SGCZ: variants seen among roughly 807,000 people sequenced by gnomAD.
The protein encoded by SGCZ is zeta-sarcoglycan.
SGCZ carries 40 observed loss-of-function variants against 41.3 expected under a neutral mutation model. The ratio of observed to expected loss-of-function variants is 0.97; its 90% CI spans 0.75 to 1.26. The LOEUF (loss-of-function observed/expected upper bound fraction) is 1.26. Among genes scored for constraint, SGCZ ranks in the 50% most tolerant of loss-of-function variants. SGCZ has a pLI of 0.00. For synonymous variants in SGCZ, 206 were observed against 137.5 expected (o/e 1.50, Z -3.49); for missense variants, 552 against 369.8 (o/e 1.49, Z -4.04).
rs370057590 is a variant in SGCZ at position 14,104,835 on chromosome 8, A to T, written c.621-2336T>A. On this transcript the variant is annotated intron_variant, in intron 6 of 7. Coordinates refer to ENST00000382080, the MANE Select transcript of SGCZ (RefSeq NM_139167.4). ...TTCTGTGTTAAGCTGTATTTTTGCA[A>T]CAATGAGAATTATGAAAAGATGCCA... Among the ~76,000 whole-genome samples the T allele has an allele frequency of 4.6e-5, 7 of 152,284 alleles. No homozygotes were observed. The South Asian group carries it at 1.2e-3, about 27-fold the overall frequency.
Position 14,208,647 on chromosome 8 carries a change from T to C in SGCZ, c.424+28945A>G, listed in dbSNP as rs143064651. Among the ~76,000 whole-genome samples the C allele has an allele frequency of 4.9e-3, 744 of 152,262 alleles. 2 individuals carry two copies. The highest frequency in any genetic ancestry group is 0.017 in the Middle Eastern group (5 of 294). On this transcript the variant is annotated intron_variant, in intron 4 of 7. Transcript: ENST00000382080. The stretch of plus-strand genomic sequence containing the variant: ...TTTTTTTTGGTGTGAAGATGGTTAT[T>C]ACCATTATGAAAACAACTAGAAACA...
intron 1 of SGCZ, among the ~76,000 whole-genome samples, chr8:15,100,413 T>C (rs1224385969): frequency 6.6e-6 from 1 of 151,918 alleles, no homozygotes; most frequent in East Asian, 2.0e-4. Flanking sequence ...ATGAAACAGA[T>C]ATGAGGAAAA....
chr8:15,059,051 G>GT (rs1029027862), intron 1 of SGCZ, among the ~76,000 whole-genome samples: 6 of 151,886 alleles, frequency 4.0e-5, no homozygotes, highest in African/African-American at 1.5e-4. Context: ...CAAAATATTA[G>GT]TTTCTTGCTA....
chr8:14,613,584 T>C (rs1266477801), intron 1 of SGCZ, among the ~76,000 whole-genome samples: 1 of 152,134 alleles, frequency 6.6e-6, no homozygotes, highest in Non-Finnish European at 1.5e-5. Context: ...TGCTCAATCA[T>C]TAAAAACAAA....
chr8:14,163,049 T>C (rs1020464054), intron 5 of SGCZ, among the ~76,000 whole-genome samples: 6 of 152,128 alleles, frequency 3.9e-5, no homozygotes, highest in Admixed American at 3.9e-4. Context: ...TTTCAAAAAT[T>C]TTGGTAGACA....
chr8:14,452,037 A>G (rs1425432213), intron 2 of SGCZ, among the ~76,000 whole-genome samples: 1 of 152,254 alleles, frequency 6.6e-6, no homozygotes, highest in Non-Finnish European at 1.5e-5. Flanking sequence ...ATGGATACTT[A>G]TAACAGCTTT....
At chr8:14,143,540 A>T (rs1030722726) in intron 5 of SGCZ, among the ~76,000 whole-genome samples, 5 of 152,170 alleles carry the variant, frequency 3.3e-5, no homozygotes, top group African/African-American at 1.2e-4. Context: ...AAGCCTGTAG[A>T]AACAAAATTC....
chr8:15,112,333 A>G (rs1314988303), intron 1 of SGCZ, among the ~76,000 whole-genome samples: 2 of 152,238 alleles, frequency 1.3e-5, no homozygotes, highest in South Asian at 2.1e-4. Context: ...TGTGCAAACA[A>G]TAGTATTGAG....
chr8:14,665,385 G>T (rs1317803202), intron 1 of SGCZ, among the ~76,000 whole-genome samples: 1 of 152,110 alleles, frequency 6.6e-6, no homozygotes, highest in Admixed American at 6.6e-5. Flanking sequence ...GTGTATACGT[G>T]CCACATCGTC....
chr8:15,176,562 A>T (rs934710542), intron 1 of SGCZ, among the ~76,000 whole-genome samples: 1 of 152,252 alleles, frequency 6.6e-6, no homozygotes, highest in Non-Finnish European at 1.5e-5. Flanking sequence ...TGAAAGTAAT[A>T]TTTCATAGAA....
chr8:14,995,175 A>C (rs13278000), intron 1 of SGCZ, among the ~76,000 whole-genome samples: 11 of 152,094 alleles, frequency 7.2e-5, no homozygotes, highest in Admixed American at 3.3e-4. Context: ...GAGACACTGA[A>C]GTATATTTAT....
chr8:14,261,736 C>T (rs1005774098), intron 3 of SGCZ, among the ~76,000 whole-genome samples: 1 of 152,096 alleles, frequency 6.6e-6, no homozygotes, highest in East Asian at 1.9e-4. Context: ...TGAAGATTCA[C>T]TTTAGGATGG....
At chr8:14,730,185 G>C (rs760578301) in intron 1 of SGCZ, among the ~76,000 whole-genome samples, 7 of 152,196 alleles carry the variant, frequency 4.6e-5, no homozygotes, top group Non-Finnish European at 1.0e-4. Context: ...TCATCAGTGG[G>C]TGAGAAGTTT....
At chr8:14,582,043 T>C (rs1271991746) in intron 1 of SGCZ, among the ~76,000 whole-genome samples, 1 of 152,136 alleles carries the variant, frequency 6.6e-6, no homozygotes, top group Non-Finnish European at 1.5e-5. Context: ...CTCAGCCTAC[T>C]CAACGTGATG....
At position 14,577,438 on chromosome 8, in the gene SGCZ, G is replaced by C. The variant is rs1455657227; in HGVS notation, c.40-22512C>G. Among the ~76,000 whole-genome samples the C allele has an allele frequency of 4.1e-5, 6 of 146,752 alleles. No individual in the cohort carries two copies. In the East Asian group the frequency reaches 1.2e-3, roughly 29 times the overall value. On this transcript the variant is annotated intron_variant, in intron 1 of 7. Coordinates refer to ENST00000382080, the MANE Select transcript of SGCZ (RefSeq NM_139167.4). ...GAGTCTCACTCCGTCAGCCAGGCTGGAGTATAGTGGCGCAATCTCGGTTCA... is the reference window on the plus strand; with the variant it reads ...GAGTCTCACTCCGTCAGCCAGGCTGCAGTATAGTGGCGCAATCTCGGTTCA...
intron 1 of SGCZ, among the ~76,000 whole-genome samples, chr8:14,942,426 C>G (rs6530814): frequency 0.3 from 45,523 of 151,926 alleles, 7,054 homozygotes; most frequent in East Asian, 0.41. Context: ...TGGGGTAACT[C>G]TTTTAACAAA....
At chr8:15,017,106 A>T (rs1366409324) in intron 1 of SGCZ, among the ~76,000 whole-genome samples, 1 of 152,174 alleles carries the variant, frequency 6.6e-6, no homozygotes, top group Non-Finnish European at 1.5e-5. Context: ...ATAATAGTTT[A>T]AAAAATCAGT....
chr8:14,294,322 C>G (rs960206599), intron 3 of SGCZ, among the ~76,000 whole-genome samples: 4 of 151,710 alleles, frequency 2.6e-5, no homozygotes, highest in African/African-American at 9.7e-5. Context: ...TACTAAAACT[C>G]CTATGTAATC....
At chr8:14,503,872 T>C (rs1372656590) in intron 2 of SGCZ, among the ~76,000 whole-genome samples, 7 of 152,220 alleles carry the variant, frequency 4.6e-5, no homozygotes, top group Non-Finnish European at 8.8e-5. Flanking sequence ...AAGAGATTTA[T>C]AGGTAATCAT....
Sources: gnomAD v4.1 joint callset for allele counts (sites outside exome capture counted in the v4.1 genomes callset) on GRCh38, gnomAD v4.1.1 for gene constraint, MANE v1.5 for transcripts, NCBI Gene and HGNC (gene_info 2026-07-23, HGNC 2026-07-21) for gene names.